Variants in PCNX1 observed in about 807,000 individuals in gnomAD.
The protein encoded by PCNX1 is pecanex-like protein 1.
In PCNX1, 78 loss-of-function variants were observed where a neutral mutation model predicts 242.2. The ratio of observed to expected loss-of-function variants is 0.32; its 90% CI spans 0.27 to 0.39. PCNX1 has a LOEUF of 0.39. Ranked by LOEUF, PCNX1 falls within the 10% of genes least tolerant of loss-of-function variation. PCNX1 has a pLI of 1.00. For missense variants in PCNX1, 2,581 were observed against 2,856.5 expected, an observed-to-expected ratio of 0.90 and a Z score of 2.20; for synonymous variants, 1,024 against 1,032.9, an observed-to-expected ratio of 0.99 and a Z score of 0.17.
At chr14:71,085,767 C>T in intron 28 of PCNX1, 2 of 340,672 alleles carry the variant, frequency 5.9e-6, no homozygotes, top group East Asian at 8.5e-5. Context: ...TCTTCTCAGT[C>T]ATAAGGCCCA....
rs562952435 is a variant in PCNX1, at chr14:70,963,477, A to T, written c.468+1146A>T. Among the ~76,000 whole-genome samples, 6 of 152,352 alleles carry T rather than the reference A, an allele frequency of 3.9e-5. No individual in the cohort carries two copies. The East Asian group carries it at 1.2e-3, about 29-fold the overall frequency. On this transcript the variant is annotated intron_variant, in intron 3 of 35. Transcript: ENST00000304743. ...CATTTAACAAATGAGTAAATAGCAG[A>T]TATAATTCTGCCAACTCTGTCCTGT...
chr14:70,941,549 G>T (rs1483499560), intron 1 of PCNX1, among the ~76,000 whole-genome samples: 5 of 152,216 alleles, frequency 3.3e-5, no homozygotes, highest in Non-Finnish European at 2.9e-5. Context: ...GTACTGGGAG[G>T]TGTCTCCCAG....
chr14:70,935,687 C>T (rs994289303), intron 1 of PCNX1, among the ~76,000 whole-genome samples: 3 of 152,254 alleles, frequency 2.0e-5, no homozygotes, highest in Admixed American at 6.5e-5. Context: ...TAATATCAAT[C>T]GTTTTTATCT....
intron 28 of PCNX1, 34 bp downstream of exon 28, chr14:71,076,453 C>T (rs1357221168): frequency 7.2e-7 from 1 of 1,391,916 alleles, no homozygotes; most frequent in South Asian, 1.2e-5. Flanking sequence ...TCTTTGAATC[C>T]AGGTTTTTCC....
intron 7 of PCNX1, 96 bp downstream of exon 7, chr14:70,988,795 T>C: frequency 7.2e-7 from 1 of 1,386,596 alleles, no homozygotes; most frequent in Admixed American, 2.0e-5. Context: ...GAGCTTTGTT[T>C]TTCTTTTCCT....
At chr14:70,908,844 C>G (rs990542517) in intron 1 of PCNX1, among the ~76,000 whole-genome samples, 3 of 151,540 alleles carry the variant, frequency 2.0e-5, no homozygotes, top group Admixed American at 2.0e-4. Flanking sequence ...ATCAGCTTCT[C>G]TGAATCATCT....
chr14:70,998,469 G>C (rs573827726), intron 8 of PCNX1, among the ~76,000 whole-genome samples: 1 of 152,114 alleles, frequency 6.6e-6, no homozygotes, highest in South Asian at 2.1e-4. Flanking sequence ...GAAAAACTTA[G>C]GCTGGGCTCG....
chr14:70,963,719 C>T (rs1029858950), intron 3 of PCNX1, among the ~76,000 whole-genome samples: 6 of 152,140 alleles, frequency 3.9e-5, no homozygotes, highest in South Asian at 2.1e-4. Context: ...CTTTCTGTAT[C>T]GTTACTACAT....
intron 3 of PCNX1, 97 bp from the exon 4 acceptor site, chr14:70,968,101 G>T: frequency 1.2e-6 from 1 of 849,278 alleles, no homozygotes; most frequent in South Asian, 1.4e-5. Context: ...AACATGTTTT[G>T]ATCATATAAT....
chr14:71,059,716 GA>G (rs2141265605), intron 26 of PCNX1, among the ~76,000 whole-genome samples: 1 of 152,174 alleles, frequency 6.6e-6, no homozygotes, highest in South Asian at 2.1e-4. Flanking sequence ...AGACACATTT[GA>G]TCATGGCATT....
chr14:71,100,053 AGAC>A (rs1296374746), intron 30 of PCNX1, among the ~76,000 whole-genome samples: 14 of 151,834 alleles, frequency 9.2e-5, no homozygotes, highest in Non-Finnish European at 1.8e-4. Flanking sequence ...TGGGGTGTTT[AGAC>A]CATTTACATT....
Position 71,055,457 on chromosome 14 carries a change from AT to A in PCNX1, c.4578-41del, listed in dbSNP as rs1566754697. The A allele has an allele frequency of 4.5e-6, 5 of 1,117,904 alleles. No individual in the cohort carries two copies. The Admixed American group carries it at 8.8e-5, about 20-fold the overall frequency. The allele number at this position is 1,117,904 out of a possible 1,614,324, so 69.2% of individuals were successfully genotyped here. A position where few individuals can be genotyped will look rare whatever the true frequency, so the allele number is the denominator to read the frequency against. The stretch of plus-strand genomic sequence containing the variant: ...TCTTCCTCAGTCTAAATTGTTAAAT[AT>A]TTTTTAATGTAAAGAAAGTTACTAA... On this transcript the variant is annotated intron_variant, in intron 24 of 35. Coordinates refer to ENST00000304743, the MANE Select transcript of PCNX1 (RefSeq NM_014982.3).
chr14:71,085,775 C>G (rs913402347), intron 28 of PCNX1: 9 of 356,958 alleles, frequency 2.5e-5, no homozygotes, highest in South Asian at 2.3e-4. Context: ...GTCATAAGGC[C>G]CAGACCCCAG....
Position 71,009,659 on chromosome 14 carries a change from G to C in PCNX1, c.2655G>C (p.Glu885Asp). The C allele has an allele frequency of 6.2e-7, 1 of 1,603,746 alleles. No homozygotes were observed. The highest frequency in any genetic ancestry group is 8.5e-7 in the Non-Finnish European group (1 of 1,172,338). Residue 885 changes from glutamate to aspartate, a missense_variant, in exon 9 of 36, where the codon GAG becomes GAC. Physicochemically the swap from Glu to Asp is conservative, Grantham distance 45 (BLOSUM62 2). This residue lies in a region of PCNX1 where 1,204 missense variants were observed against 1,216.7 expected (regional missense o/e 0.99). Transcript: ENST00000304743. ...GTAAGTTCTCTTCTACGCTGTATGA[G>C]ACTGGTGGCTGTGATATGTCACTTG... is the stretch of plus-strand genomic sequence containing the variant. Reference protein sequence around the residue: ...ELGKFSSTLYETGGCDMSLVN... With the variant: ...ELGKFSSTLYDTGGCDMSLVN...
chr14:71,114,660 A>G lies in PCNX1; in HGVS notation c.*4725A>G, dbSNP rs1220278371. 6.7e-6 allele frequency: 1 copy of G among 150,064 alleles called. No homozygotes were observed. Among genetic ancestry groups the G allele is most frequent in the Non-Finnish European group, 1.5e-5 (1 of 67,452 alleles). The allele number at this position is 150,064 out of a possible 1,614,324, so 9.3% of individuals were successfully genotyped here. A position where few individuals can be genotyped will look rare whatever the true frequency, so the allele number is the denominator to read the frequency against. On this transcript the variant is annotated 3_prime_UTR_variant, in exon 36 of 36. Coordinates refer to ENST00000304743, the MANE Select transcript of PCNX1 (RefSeq NM_014982.3). Reference sequence around the variant, plus strand: ...ATGACAACTCTGTTCTAAGACTTATACCTATTATATAGGGTTATACCTTTT... The same window carrying G: ...ATGACAACTCTGTTCTAAGACTTATGCCTATTATATAGGGTTATACCTTTT...
intron 26 of PCNX1, among the ~76,000 whole-genome samples, chr14:71,069,599 G>A (rs891148402): frequency 1.3e-5 from 2 of 152,174 alleles, no homozygotes; most frequent in South Asian, 2.1e-4. Context: ...AAATTGCTTG[G>A]TTTTCCACTG....
chr14:70,939,297 C>T (rs537724988), intron 1 of PCNX1, among the ~76,000 whole-genome samples: 1 of 152,320 alleles, frequency 6.6e-6, no homozygotes, highest in East Asian at 1.9e-4. Context: ...CTACACACTG[C>T]TTTAAATGTG....
intron 1 of PCNX1, among the ~76,000 whole-genome samples, chr14:70,935,043 A>T (rs975358984): frequency 6.6e-6 from 1 of 152,204 alleles, no homozygotes; most frequent in East Asian, 1.9e-4. Context: ...AAACTGTTAC[A>T]GCACAGCTGT....
In PCNX1 at chr14:71,033,262, A is replaced by C. The variant is rs367568132; in HGVS notation, c.3559-167A>C. ...AGTGGCCAGATTCTAACTCATCAGA[A>C]AGTAATAAATCTAAATTTTTCTGGA... On this transcript the variant is annotated intron_variant, in intron 16 of 35. Coordinates refer to ENST00000304743, the MANE Select transcript of PCNX1 (RefSeq NM_014982.3). Among the ~76,000 whole-genome samples the C allele has an allele frequency of 4.6e-5, 7 of 152,224 alleles. No individual in the cohort carries two copies. In the South Asian group the frequency reaches 1.5e-3, roughly 32 times the overall value.
Sources: allele counts gnomAD v4.1 joint callset (sites outside exome capture counted in the v4.1 genomes callset), GRCh38; gene constraint gnomAD v4.1.1; regional missense constraint gnomAD v4.1.1; transcripts MANE v1.5; gene names NCBI Gene and HGNC (gene_info 2026-07-23, HGNC 2026-07-21).